UNC13A: variants seen among roughly 807,000 people sequenced by gnomAD.
UNC13A encodes the protein protein unc-13 homolog A.
UNC13A carries 61 observed loss-of-function variants against 219.7 expected under a neutral mutation model. The observed-to-expected ratio is 0.28, with a 90% CI of 0.23 to 0.34. The LOEUF is 0.34. UNC13A is among the 10% of genes least tolerant of loss of function. The pLI is 1.00. For synonymous variants in UNC13A, 920 were observed against 884.6 expected, an observed-to-expected ratio of 1.04 and a Z score of -0.71; for missense variants, 1,476 against 2,270.3, an observed-to-expected ratio of 0.65 and a Z score of 7.11.
At position 17,630,138 on chromosome 19, in the gene UNC13A, C is replaced by T. The variant is rs1179116417; in HGVS notation, c.3669+7G>A. 3 of 1,551,846 alleles carry T rather than the reference C, an allele frequency of 1.9e-6. No individual in the cohort carries two copies. Among genetic ancestry groups the T allele is most frequent in the Admixed American group, 3.9e-5 (2 of 50,994 alleles). On this transcript the variant is annotated splice_region_variant and intron_variant, in intron 30 of 43. Transcript: ENST00000519716. Reference sequence around the variant, plus strand: ...CCCTAGCCCCAACCCTACCCACTCTCCCACACCTTGGCAAAGCGCCTCATG... The same window carrying T: ...CCCTAGCCCCAACCCTACCCACTCTTCCACACCTTGGCAAAGCGCCTCATG...
chr19:17,639,989 G>T, intron 22 of UNC13A, 81 bp from the exon 23 acceptor site: 1 of 1,355,568 alleles, frequency 7.4e-7, no homozygotes, highest in Non-Finnish European at 1.1e-6. Context: ...TGTACAGTAA[G>T]TATACCTCAT....
chr19:17,652,785 G>C (rs2079374040), intron 11 of UNC13A, 108 bp from the exon 12 acceptor site: 19 of 1,266,686 alleles, frequency 1.5e-5, no homozygotes, highest in Middle Eastern at 4.4e-4. Flanking sequence ...CAGATGGCCT[G>C]GGTCCTAGTC....
chr19:17,662,268 G>A (rs559719793), intron 8 of UNC13A, among the ~76,000 whole-genome samples: 4 of 151,786 alleles, frequency 2.6e-5, no homozygotes, highest in South Asian at 4.2e-4. Flanking sequence ...AGATTCTCAC[G>A]GGAGCGTGAA....
intron 11 of UNC13A, among the ~76,000 whole-genome samples, chr19:17,653,193 G>T (rs1270540395): frequency 3.3e-5 from 5 of 150,796 alleles, no homozygotes; most frequent in African/African-American, 1.2e-4. Flanking sequence ...GGGGTGTTTG[G>T]TTTTTTTTTA....
In UNC13A at chr19:17,605,027, A is replaced by G. The variant is rs745720569; in HGVS notation, c.*1027T>C. On this transcript the variant is annotated 3_prime_UTR_variant, in exon 44 of 44. Transcript: ENST00000519716. ...TTTTGTGGTGGGAGGCCCTCATGGC[A>G]TCCCCCATGGAGATCCCAGGAGAAA... 2.6e-5 allele frequency: 4 copies of G among 152,602 alleles called. No individual in the cohort carries two copies. Among genetic ancestry groups the G allele is most frequent in the Non-Finnish European group, 5.9e-5 (4 of 68,040 alleles). The allele number at this position is 152,602 out of a possible 1,614,324, so 9.5% of individuals were successfully genotyped here. A position where few individuals can be genotyped will look rare whatever the true frequency, so the allele number is the denominator to read the frequency against.
intron 35 of UNC13A, 43 bp from the exon 36 acceptor site, chr19:17,623,590 T>G: frequency 2.0e-6 from 2 of 1,002,666 alleles, no homozygotes; most frequent in South Asian, 1.8e-5. Flanking sequence ...GAGGGGGGAA[T>G]AAGGTACCAT....
chr19:17,630,202 C>T lies in UNC13A; in HGVS notation c.3612G>A (p.Lys1204=). 6.4e-7 allele frequency: 1 copy of T among 1,552,742 alleles called. No homozygotes were observed. Among genetic ancestry groups the T allele is most frequent in the Non-Finnish European group, 8.7e-7 (1 of 1,147,484 alleles). The change falls in exon 30 of 44, where the codon AAG becomes AAA. Residue 1204 remains lysine (K), a synonymous_variant. Coordinates refer to ENST00000519716, the MANE Select transcript of UNC13A (RefSeq NM_001080421.3). ...TCTGAGGGTCGGGACACTCGAGTTT[C>T]TTGATGATTTCAAAGCTCTGGTTGA... The part of the protein sequence containing the change: ...SQLNQSFEII[K]KLECPDPQIV...
At position 17,674,598 on chromosome 19, in the gene UNC13A, G is replaced by C; in HGVS notation, c.152+59C>G. On this transcript the variant is annotated intron_variant, in intron 3 of 43. Transcript: ENST00000519716. The surrounding 1 kb of genome is among the most constrained non-coding windows in gnomAD (Gnocchi z 5.0). ...CCAGTGTCCAGCTCTGCCCTGAGGG[G>C]CCAGCGAGGTGCTGGGCTATGCCAG... is the stretch of plus-strand genomic sequence containing the variant. 6.7e-7 allele frequency: 1 copy of C among 1,498,218 alleles called. No homozygotes were observed. Among genetic ancestry groups the C allele is most frequent in the African/African-American group, 1.4e-5 (1 of 72,796 alleles). 92.8% of individuals were successfully genotyped at this position (1,498,218 alleles called of 1,614,324 possible).
intron 10 of UNC13A, among the ~76,000 whole-genome samples, 163 bp downstream of exon 10, chr19:17,655,720 C>A (rs1406501871): frequency 6.6e-6 from 1 of 152,094 alleles, no homozygotes; most frequent in African/African-American, 2.4e-5. Flanking sequence ...CCCTCTTTGA[C>A]CTCCCTACTC....
At chr19:17,672,552 G>A in intron 3 of UNC13A, 57 bp from the exon 4 acceptor site, 3 of 1,444,602 alleles carry the variant, frequency 2.1e-6, no homozygotes, top group Non-Finnish European at 2.9e-6. Context: ...CGGGGGCCCA[G>A]GGAGTTTAGT....
intron 17 of UNC13A, 129 bp from the exon 18 acceptor site, chr19:17,646,240 A>AAGCCCAG: frequency 7.8e-7 from 1 of 1,288,502 alleles, no homozygotes; most frequent in Non-Finnish European, 1.1e-6. Flanking sequence ...ATGGCAGGGC[A>AAGCCCAG]CGCTGGGCTT....
intron 4 of UNC13A, among the ~76,000 whole-genome samples, chr19:17,671,740 C>T (rs1436524705): frequency 6.6e-6 from 1 of 151,970 alleles, no homozygotes; most frequent in Admixed American, 6.6e-5. Flanking sequence ...TGCCAATGCA[C>T]TCCAGCCTGG....
chr19:17,655,809 C>A, intron 10 of UNC13A, 74 bp downstream of exon 10: 2 of 1,445,556 alleles, frequency 1.4e-6, no homozygotes, highest in Non-Finnish European at 1.8e-6. Flanking sequence ...CAGGTCCACG[C>A]TGACCCCATC....
At position 17,649,691 on chromosome 19, in the gene UNC13A, GGTCCCTC is replaced by G; in HGVS notation, c.1440-111_1440-105del. 1 of 1,307,486 alleles carries G rather than the reference GGTCCCTC, an allele frequency of 7.6e-7. No individual in the cohort carries two copies. Among genetic ancestry groups the G allele is most frequent in the Admixed American group, 1.9e-5 (1 of 53,708 alleles). The allele number at this position is 1,307,486 out of a possible 1,614,324, so 81.0% of individuals were successfully genotyped here. A position where few individuals can be genotyped will look rare whatever the true frequency, so the allele number is the denominator to read the frequency against. On this transcript the variant is annotated intron_variant, in intron 12 of 43. Transcript: ENST00000519716. This position sits in a 1 kb window ranked among gnomAD's most constrained non-coding sequence, Gnocchi z 4.4. ...CCCCAGGTGTTAAGGGGTTGAATTG[GGTCCCTC>G]AAAAAAAAGATACGCTGATGCCCTA... is the stretch of plus-strand genomic sequence containing the variant.
At position 17,619,122 on chromosome 19, in the gene UNC13A, G is replaced by A. The variant is rs115100353; in HGVS notation, c.4273-160C>T. The A allele has an allele frequency of 5.4e-4, 358 of 666,756 alleles. 2 individuals carry two copies. The African/African-American group carries it at 5.5e-3, about 10-fold the overall frequency. 41.3% of individuals were successfully genotyped at this position (666,756 alleles called of 1,614,324 possible). ...TTCCCCAGGAAGAACTGAGGAGGAT[G>A]TGGTGACCTTGTCCCTGAAAATCCC... On this transcript the variant is annotated intron_variant, in intron 38 of 43. Coordinates refer to ENST00000519716, the MANE Select transcript of UNC13A (RefSeq NM_001080421.3).
At chr19:17,666,881 CGAGAG>C (rs1255939162) in intron 6 of UNC13A, among the ~76,000 whole-genome samples, 177 bp from the exon 7 acceptor site, 83 of 115,176 alleles carry the variant, frequency 7.2e-4, no homozygotes, top group African/African-American at 3.2e-3. Flanking sequence ...CACACACACA[CGAGAG>C]AGAGAGAGAG....
chr19:17,673,352 A>G (rs549667836), intron 3 of UNC13A, among the ~76,000 whole-genome samples: 2 of 116,028 alleles, frequency 1.7e-5, no homozygotes, highest in Admixed American at 9.8e-5. Context: ...AGCAAAACTC[A>G]GTCTCAAAAA....
chr19:17,668,287 T>C, intron 5 of UNC13A, 97 bp from the exon 6 acceptor site: 1 of 1,194,232 alleles, frequency 8.4e-7, no homozygotes, highest in Non-Finnish European at 1.2e-6. Context: ...CCCTGGCTTC[T>C]GGGGTCTTTG....
At chr19:17,628,237 G>C in intron 31 of UNC13A, 2 of 447,072 alleles carry the variant, frequency 4.5e-6, no homozygotes, top group Non-Finnish European at 8.2e-6. Context: ...AGAGTTTCCT[G>C]CAAGAGCCCA....
Sources: gnomAD v4.1 joint callset for allele counts (sites outside exome capture counted in the v4.1 genomes callset) on GRCh38, gnomAD v4.1.1 for gene constraint, Gnocchi (gnomAD v3.1) non-coding constraint, MANE v1.5 for transcripts, NCBI Gene and HGNC (gene_info 2026-07-23, HGNC 2026-07-21) for gene names.